Variants in TMTC2 observed in about 807,000 individuals in gnomAD.
TMTC2 encodes transmembrane O-mannosyltransferase targeting cadherins 2, also known as protein O-mannosyl-transferase TMTC2.
A neutral mutation model predicts 82.4 loss-of-function variants in TMTC2; 43 were observed. The ratio of observed to expected loss-of-function variants is 0.52; its 90% CI spans 0.41 to 0.67. The LOEUF (loss-of-function observed/expected upper bound fraction) is 0.67. TMTC2 is among the 30% of genes least tolerant of loss of function. The pLI, the probability that TMTC2 is intolerant of heterozygous loss-of-function variation, is 0.00. For synonymous variants in TMTC2, 408 were observed against 381.9 expected (o/e 1.07, Z -0.80); for missense variants, 919 against 1,012.4 (o/e 0.91, Z 1.25).
At chr12:82,790,520 C>CA (rs1222515979) in intron 1 of TMTC2, among the ~76,000 whole-genome samples, 3 of 151,906 alleles carry the variant, frequency 2.0e-5, no homozygotes, top group Non-Finnish European at 2.9e-5. Flanking sequence ...GGACCAGACT[C>CA]AATGTGTTTG....
At chr12:82,917,898 G>A (rs1381755561) in intron 3 of TMTC2, among the ~76,000 whole-genome samples, 1 of 149,012 alleles carries the variant, frequency 6.7e-6, no homozygotes, top group Non-Finnish European at 1.5e-5. Context: ...ACTGCTCCCG[G>A]CCAGCTTTTA....
intron 11 of TMTC2, among the ~76,000 whole-genome samples, chr12:83,067,118 G>A (rs1001235706): frequency 1.6e-4 from 24 of 151,856 alleles, no homozygotes; most frequent in African/African-American, 5.6e-4. Flanking sequence ...GACAGTGACA[G>A]GGCATAGAAA....
intron 8 of TMTC2, among the ~76,000 whole-genome samples, chr12:82,990,151 G>A (rs1034665704): frequency 4.6e-5 from 7 of 152,204 alleles, no homozygotes; most frequent in South Asian, 2.1e-4. Flanking sequence ...CAAGAGAAGA[G>A]GAATAGAAAT....
chr12:82,881,994 A>ATTTTTTTTTTT (rs869127384), intron 2 of TMTC2, among the ~76,000 whole-genome samples: 1 of 107,280 alleles, frequency 9.3e-6, no homozygotes, highest in Non-Finnish European at 1.8e-5. Flanking sequence ...TGTTGTTAAG[A>ATTTTTTTTTTT]TTTTTTTTTT....
chr12:82,805,068 G>T (rs183397722), intron 1 of TMTC2, among the ~76,000 whole-genome samples: 3 of 152,134 alleles, frequency 2.0e-5, no homozygotes, highest in Non-Finnish European at 4.4e-5. Flanking sequence ...GCTGTGTCTG[G>T]TTTCCATTGG....
intron 1 of TMTC2, among the ~76,000 whole-genome samples, chr12:82,829,277 A>G (rs1043188234): frequency 2.0e-5 from 3 of 152,200 alleles, no homozygotes; most frequent in African/African-American, 4.8e-5. Context: ...AGTTACTTTC[A>G]TGGTAACACT....
chr12:83,033,806 A>ATGTG (rs1491149491), intron 9 of TMTC2, among the ~76,000 whole-genome samples: 3 of 135,728 alleles, frequency 2.2e-5, no homozygotes, highest in African/African-American at 8.9e-5. Flanking sequence ...ATATATACAC[A>ATGTG]TATATGTGTG....
At chr12:82,852,659 G>A (rs530038364) in intron 1 of TMTC2, among the ~76,000 whole-genome samples, 7 of 152,084 alleles carry the variant, frequency 4.6e-5, no homozygotes, top group Non-Finnish European at 8.8e-5. Context: ...CAGCAGAAGA[G>A]GTTTTACTAT....
At chr12:82,958,933 ACT>A (rs1340321347) in intron 4 of TMTC2, among the ~76,000 whole-genome samples, 31 of 152,056 alleles carry the variant, frequency 2.0e-4, no homozygotes, top group Non-Finnish European at 2.9e-5. Context: ...AACCCTAAAG[ACT>A]CTGCCAAAAG....
At chr12:83,128,638 C>T (rs1885167950) in intron 11 of TMTC2, among the ~76,000 whole-genome samples, 1 of 152,068 alleles carries the variant, frequency 6.6e-6, no homozygotes. Flanking sequence ...TTACAAGGCA[C>T]CTGGGTTTCT....
At chr12:82,920,945 A>G (rs1403461386) in intron 3 of TMTC2, among the ~76,000 whole-genome samples, 3 of 152,194 alleles carry the variant, frequency 2.0e-5, no homozygotes, top group Non-Finnish European at 4.4e-5. Context: ...CAATATGTTA[A>G]CAGGAAAATA....
intron 1 of TMTC2, among the ~76,000 whole-genome samples, chr12:82,798,491 G>A (rs1464295017): frequency 5.5e-4 from 9 of 16,220 alleles, no homozygotes; most frequent in Non-Finnish European, 7.2e-4. Context: ...AGGGAGACTC[G>A]TCTCAAAAAA....
chr12:82,754,532 C>T (rs920322905), intron 1 of TMTC2, among the ~76,000 whole-genome samples: 16 of 152,086 alleles, frequency 1.1e-4, no homozygotes, highest in Non-Finnish European at 1.5e-4. Flanking sequence ...GTCAGGAGTT[C>T]GAGACCAGCC....
At chr12:82,806,207 GA>G in intron 1 of TMTC2, among the ~76,000 whole-genome samples, 1 of 148,962 alleles carries the variant, frequency 6.7e-6, no homozygotes, top group Non-Finnish European at 1.5e-5. Context: ...AATGATTCAG[GA>G]AATTCTGTTT....
intron 1 of TMTC2, among the ~76,000 whole-genome samples, chr12:82,780,928 G>A (rs1467707379): frequency 1.3e-5 from 2 of 152,060 alleles, no homozygotes; most frequent in East Asian, 1.9e-4. Flanking sequence ...TTGTTACAAA[G>A]ACAACTTTTT....
intron 1 of TMTC2, among the ~76,000 whole-genome samples, chr12:82,704,404 C>T (rs1045316249): frequency 7.9e-5 from 12 of 151,542 alleles, no homozygotes; most frequent in African/African-American, 2.9e-4. Flanking sequence ...TTTTTTAAAC[C>T]ATCTTTGGAA....
rs73368038 is a variant in TMTC2 at position 83,085,294 on chromosome 12, A to G, written c.2331+23463A>G. Among the ~76,000 whole-genome samples the G allele has an allele frequency of 3.8e-3, 586 of 152,344 alleles. 6 individuals carry two copies. Among genetic ancestry groups the G allele is most frequent in the African/African-American group, 0.013 (553 of 41,576 alleles). ...TTTGTTCTGACTTCCCGTGACAGAT[A>G]AGACTTACCAAGCATTACCCTTTAT... is the stretch of plus-strand genomic sequence containing the variant. On this transcript the variant is annotated intron_variant, in intron 11 of 11. Transcript: ENST00000321196.
intron 8 of TMTC2, among the ~76,000 whole-genome samples, chr12:83,015,897 G>A (rs750196910): frequency 9.9e-5 from 15 of 152,236 alleles, no homozygotes; most frequent in Admixed American, 7.8e-4. Context: ...CCATTTGTGC[G>A]TGTTTTCCCC....
chr12:82,849,329 A>G (rs944367679), intron 1 of TMTC2, among the ~76,000 whole-genome samples: 1 of 152,082 alleles, frequency 6.6e-6, no homozygotes, highest in African/African-American at 2.4e-5. Flanking sequence ...GGAAAGAGAA[A>G]AAATGATCAG....
Sources: allele counts gnomAD v4.1 joint callset (sites outside exome capture counted in the v4.1 genomes callset), GRCh38; gene constraint gnomAD v4.1.1; transcripts MANE v1.5; gene names NCBI Gene and HGNC (gene_info 2026-07-23, HGNC 2026-07-21).